The following PTPRR variants were observed in gnomAD, a reference collection of about 807,000 sequenced individuals.
The protein encoded by PTPRR is protein tyrosine phosphatase receptor type R, also known as receptor-type tyrosine-protein phosphatase R.
Under a neutral mutation model 77.2 loss-of-function variants are expected in PTPRR, and 38 were observed. The ratio of observed to expected loss-of-function variants is 0.49; its 90% CI spans 0.38 to 0.65. The LOEUF is 0.65. Among genes scored for constraint, PTPRR ranks in the 30% least tolerant of loss-of-function variants. The pLI, the probability that PTPRR is intolerant of heterozygous loss-of-function variation, is 0.00. For missense variants in PTPRR, 744 were observed against 799.2 expected, an observed-to-expected ratio of 0.93 and a Z score of 0.83; for synonymous variants, 299 against 283.1, an observed-to-expected ratio of 1.06 and a Z score of -0.57.
chr12:70,920,517 A>T lies in PTPRR; in HGVS notation c.-127T>A. 1 of 844,202 alleles carries T rather than the reference A, an allele frequency of 1.2e-6. No individual in the cohort carries two copies. The highest frequency in any genetic ancestry group is 1.9e-6 in the Non-Finnish European group (1 of 528,432). The allele number at this position is 844,202 out of a possible 1,614,324, so 52.3% of individuals were successfully genotyped here. On this transcript the variant is annotated 5_prime_UTR_variant, in exon 1 of 14. Coordinates refer to ENST00000283228, the MANE Select transcript of PTPRR (RefSeq NM_002849.4). ...ATTCAGGTCCTCGGCTGGGGTTTGC[A>T]GAGCAGTCAGTCTGTGGCGCCGACA...
Position 70,850,778 on chromosome 12 carries a change from A to G in PTPRR, c.357+41901T>C, listed in dbSNP as rs956385288. 1.5e-4 allele frequency among the ~76,000 whole-genome samples: 23 copies of G among 152,292 alleles called. 2 individuals are homozygous for G. In the South Asian group the frequency reaches 4.8e-3, roughly 32 times the overall value. ...TTACTCAGTGCCAGGCCCAATGCAGAAAACAGAAGCATTTTGCAAGTTCCT... is the reference window on the plus strand; with the variant it reads ...TTACTCAGTGCCAGGCCCAATGCAGGAAACAGAAGCATTTTGCAAGTTCCT... On this transcript the variant is annotated intron_variant, in intron 2 of 13. Transcript: ENST00000283228.
chr12:70,901,172 A>T (rs1229713280), intron 1 of PTPRR, among the ~76,000 whole-genome samples: 1 of 151,514 alleles, frequency 6.6e-6, no homozygotes, highest in East Asian at 1.9e-4. Context: ...CAACCTGTAC[A>T]GTCATTATGG....
chr12:70,665,221 A>C (rs980438253), intron 10 of PTPRR, among the ~76,000 whole-genome samples: 6 of 152,172 alleles, frequency 3.9e-5, no homozygotes, highest in Non-Finnish European at 7.3e-5. Context: ...TTTGGAAGAA[A>C]AAAATAGGTT....
intron 2 of PTPRR, among the ~76,000 whole-genome samples, chr12:70,805,757 C>A (rs1022243): frequency 6.6e-6 from 1 of 152,230 alleles, no homozygotes; most frequent in African/African-American, 2.4e-5. Flanking sequence ...TATTCCCATT[C>A]TAAGGATGAG....
chr12:70,869,975 G>C (rs1892932610), intron 2 of PTPRR, among the ~76,000 whole-genome samples: 1 of 152,210 alleles, frequency 6.6e-6, no homozygotes, highest in Non-Finnish European at 1.5e-5. Context: ...AGTTCACAAA[G>C]AGTTGGACAA....
chr12:70,709,080 A>T (rs1888725670), intron 6 of PTPRR, among the ~76,000 whole-genome samples: 1 of 152,130 alleles, frequency 6.6e-6, no homozygotes. Context: ...CCTCAATAAA[A>T]TACTGGCAAA....
chr12:70,666,981 A>C (rs1887031515), intron 10 of PTPRR, among the ~76,000 whole-genome samples: 1 of 85,286 alleles, frequency 1.2e-5, no homozygotes, highest in Non-Finnish European at 2.2e-5. Flanking sequence ...TTTGAGACGG[A>C]GTCTCGCTCT....
chr12:70,867,609 G>A (rs561391126), intron 2 of PTPRR, among the ~76,000 whole-genome samples: 2 of 151,708 alleles, frequency 1.3e-5, no homozygotes, highest in Admixed American at 1.3e-4. Context: ...TGGCCATACT[G>A]CCCAAGGTAA....
chr12:70,672,094 C>T (rs1172118145), intron 10 of PTPRR: 3 of 1,377,146 alleles, frequency 2.2e-6, no homozygotes, highest in Non-Finnish European at 1.0e-6. Flanking sequence ...ATGCCTTTGA[C>T]TCTATGCTCC....
intron 6 of PTPRR, among the ~76,000 whole-genome samples, chr12:70,735,869 C>T (rs970343137): frequency 6.6e-6 from 1 of 152,132 alleles, no homozygotes; most frequent in Non-Finnish European, 1.5e-5. Flanking sequence ...GTGTCCAACC[C>T]ATCAGCTGTG....
intron 2 of PTPRR, among the ~76,000 whole-genome samples, chr12:70,860,168 G>C (rs931955110): frequency 6.6e-6 from 1 of 152,060 alleles, no homozygotes; most frequent in Non-Finnish European, 1.5e-5. Flanking sequence ...GATTCCACAA[G>C]GCAGCATATC....
intron 2 of PTPRR, among the ~76,000 whole-genome samples, chr12:70,773,569 CA>C (rs1455013358): frequency 6.6e-6 from 1 of 151,862 alleles, no homozygotes; most frequent in Non-Finnish European, 1.5e-5. Flanking sequence ...GCAGATGGAG[CA>C]TATCATGGGT....
chr12:70,698,449 C>A, intron 7 of PTPRR, 100 bp from the exon 8 acceptor site: 2 of 991,084 alleles, frequency 2.0e-6, no homozygotes, highest in South Asian at 1.5e-5. Context: ...GACTTCAAAG[C>A]CACTTAAAAA....
At position 70,903,385 on chromosome 12, in the gene PTPRR, T is replaced by C. The variant is rs187382885; in HGVS notation, c.59-10408A>G. Among the ~76,000 whole-genome samples the C allele has an allele frequency of 1.8e-3, 277 of 151,906 alleles. 2 individuals are homozygous for C. The highest frequency in any genetic ancestry group is 6.4e-3 in the African/African-American group (264 of 41,512). On this transcript the variant is annotated intron_variant, in intron 1 of 13. Transcript: ENST00000283228. ...ATACATAAAATTATGATCTGTCAAT[T>C]AAAAATAATGTAAATCAAAAATAAA...
chr12:70,651,339 T>C (rs1416125303), intron 13 of PTPRR, among the ~76,000 whole-genome samples: 3 of 152,350 alleles, frequency 2.0e-5, no homozygotes, highest in Non-Finnish European at 4.4e-5. Context: ...TTATGCCATC[T>C]CCCATCTCCA....
Position 70,684,817 on chromosome 12 carries a change from A to G in PTPRR, c.1280-34T>C, listed in dbSNP as rs199949427. 62 of 1,465,824 alleles carry G rather than the reference A, an allele frequency of 4.2e-5. No homozygotes were observed. The East Asian group carries it at 1.3e-3, about 30-fold the overall frequency. The allele number at this position is 1,465,824 out of a possible 1,614,324, so 90.8% of individuals were successfully genotyped here. A position where few individuals can be genotyped will look rare whatever the true frequency, so the allele number is the denominator to read the frequency against. ...GAAAACAAAAAAGAATATATTAAAC[A>G]GATTTACCCTTTTTAAAGTTCCTTA... On this transcript the variant is annotated intron_variant, in intron 8 of 13. Transcript: ENST00000283228.
intron 1 of PTPRR, among the ~76,000 whole-genome samples, chr12:70,897,946 G>A (rs61930391): frequency 0.13 from 18,189 of 141,878 alleles, 1,438 homozygotes; most frequent in Middle Eastern, 0.2. Flanking sequence ...GGTGGGAATT[G>A]AACAATGAGA....
At chr12:70,844,738 AGAC>A (rs1892455073) in intron 2 of PTPRR, among the ~76,000 whole-genome samples, 1 of 152,238 alleles carries the variant, frequency 6.6e-6, no homozygotes, top group East Asian at 1.9e-4. Flanking sequence ...AAATTCCAAT[AGAC>A]TTCAGCTGGG....
intron 2 of PTPRR, among the ~76,000 whole-genome samples, chr12:70,863,719 G>A (rs145938742): frequency 6.7e-6 from 1 of 149,714 alleles, no homozygotes; most frequent in Admixed American, 6.6e-5. Context: ...AATATTTCTT[G>A]GGTATTTTCA....
Sources: gnomAD v4.1 joint callset for allele counts (sites outside exome capture counted in the v4.1 genomes callset) on GRCh38, gnomAD v4.1.1 for gene constraint, MANE v1.5 for transcripts, NCBI Gene and HGNC (gene_info 2026-07-23, HGNC 2026-07-21) for gene names.